The following NRXN1 variants were observed in gnomAD, a reference collection of about 807,000 sequenced individuals.
NRXN1 encodes the protein neurexin 1, also known as neurexin-1.
NRXN1 carries 39 observed loss-of-function variants against 150.9 expected under a neutral mutation model. That is an observed-to-expected ratio of 0.26 (90% CI 0.20 to 0.34). The LOEUF (loss-of-function observed/expected upper bound fraction) is 0.34. NRXN1 is among the 10% of genes least tolerant of loss of function. The probability of loss-of-function intolerance (pLI) is 1.00; values close to 1 mark genes in which losing one functional copy is unlikely to be tolerated. For synonymous variants in NRXN1, 924 were observed against 757.0 expected, an observed-to-expected ratio of 1.22 and a Z score of -3.62; for missense variants, 1,815 against 1,949.9, an observed-to-expected ratio of 0.93 and a Z score of 1.30.
intron 21 of NRXN1, among the ~76,000 whole-genome samples, chr2:50,003,714 T>A (rs1684310009): frequency 6.6e-6 from 1 of 152,174 alleles, no homozygotes; most frequent in South Asian, 2.1e-4. Context: ...TGTTTTAAAA[T>A]TTCCATACCA....
intron 5 of NRXN1, among the ~76,000 whole-genome samples, chr2:50,788,388 C>G (rs968716411): frequency 6.6e-6 from 1 of 151,952 alleles, no homozygotes; most frequent in East Asian, 1.9e-4. Flanking sequence ...CGCCCGGCCT[C>G]CCCACTGGTT....
intron 21 of NRXN1, among the ~76,000 whole-genome samples, chr2:49,955,599 C>A (rs2104496299): frequency 7.6e-6 from 1 of 131,754 alleles, no homozygotes; most frequent in East Asian, 2.3e-4. Context: ...ACATAGTTAA[C>A]TATCATTTTG....
At chr2:50,287,187 T>C (rs985810547) in intron 17 of NRXN1, among the ~76,000 whole-genome samples, 1 of 152,144 alleles carries the variant, frequency 6.6e-6, no homozygotes, top group African/African-American at 2.4e-5. Context: ...GCTTTACATG[T>C]TTTGTGTACC....
At chr2:50,946,230 C>T (rs1690367133) in intron 2 of NRXN1, among the ~76,000 whole-genome samples, 1 of 151,996 alleles carries the variant, frequency 6.6e-6, no homozygotes, top group Admixed American at 6.6e-5. Context: ...GCATACGACG[C>T]TATGAACATG....
chr2:50,924,222 T>C (rs954935940), intron 3 of NRXN1, among the ~76,000 whole-genome samples: 10 of 151,890 alleles, frequency 6.6e-5, no homozygotes, highest in African/African-American at 2.4e-4. Context: ...TGATGCTACA[T>C]CAATAAGGAT....
chr2:50,345,511 T>G (rs545721537), intron 17 of NRXN1, among the ~76,000 whole-genome samples: 2 of 152,274 alleles, frequency 1.3e-5, no homozygotes, highest in East Asian at 1.9e-4. Context: ...ATAAAAAAAG[T>G]GCCCACAACT....
At chr2:50,041,299 A>G (rs1389179110) in intron 21 of NRXN1, among the ~76,000 whole-genome samples, 1 of 152,150 alleles carries the variant, frequency 6.6e-6, no homozygotes, top group Non-Finnish European at 1.5e-5. Context: ...TTTGCCTATA[A>G]AAAAATCATA....
chr2:50,848,818 G>C (rs899596966), intron 5 of NRXN1, among the ~76,000 whole-genome samples: 2 of 152,110 alleles, frequency 1.3e-5, no homozygotes, highest in African/African-American at 4.8e-5. Flanking sequence ...AAGAACTCCA[G>C]GGATTAGTGC....
chr2:50,453,072 GC>G, intron 17 of NRXN1, among the ~76,000 whole-genome samples: 1 of 152,192 alleles, frequency 6.6e-6, no homozygotes, highest in East Asian at 1.9e-4. Flanking sequence ...CATAAATGTT[GC>G]CATGATGTTC....
At chr2:50,071,004 C>T (rs1696211879) in intron 19 of NRXN1, among the ~76,000 whole-genome samples, 1 of 152,122 alleles carries the variant, frequency 6.6e-6, no homozygotes, top group East Asian at 1.9e-4. Flanking sequence ...AGAATGAAGA[C>T]AAGATAAAAA....
chr2:50,209,728 G>C (rs2062871490), intron 18 of NRXN1, among the ~76,000 whole-genome samples: 2 of 152,104 alleles, frequency 1.3e-5, no homozygotes, highest in South Asian at 4.2e-4. Context: ...ACATTTAACA[G>C]ATATCTGATT....
chr2:50,516,000 G>A (rs1275984473), intron 12 of NRXN1, among the ~76,000 whole-genome samples: 1 of 152,114 alleles, frequency 6.6e-6, no homozygotes, highest in African/African-American at 2.4e-5. Flanking sequence ...AAAATTCAAA[G>A]GAGATTAACT....
intron 15 of NRXN1, among the ~76,000 whole-genome samples, chr2:50,479,124 A>C (rs1186191103): frequency 6.6e-6 from 1 of 152,198 alleles, no homozygotes; most frequent in Non-Finnish European, 1.5e-5. Context: ...TCTCTTCAAA[A>C]ACTTTTGCTA....
At chr2:51,006,164 G>A (rs568538238) in intron 2 of NRXN1, among the ~76,000 whole-genome samples, 4 of 151,754 alleles carry the variant, frequency 2.6e-5, no homozygotes, top group South Asian at 4.2e-4. Context: ...ACGTGGGTCC[G>A]CAGCTATTTA....
intron 15 of NRXN1, among the ~76,000 whole-genome samples, chr2:50,493,539 T>A (rs1375417512): frequency 1.3e-5 from 2 of 152,102 alleles, no homozygotes; most frequent in East Asian, 3.9e-4. Flanking sequence ...AAGTCAATGC[T>A]CCATAAATAC....
intron 2 of NRXN1, among the ~76,000 whole-genome samples, chr2:50,962,830 G>A (rs1355451976): frequency 6.6e-6 from 1 of 151,472 alleles, no homozygotes; most frequent in African/African-American, 2.4e-5. Flanking sequence ...ACAGGTGAAT[G>A]CTTCCTAAGA....
chr2:50,445,295 G>GT (rs1470280705), intron 17 of NRXN1, among the ~76,000 whole-genome samples: 1 of 152,164 alleles, frequency 6.6e-6, no homozygotes. Context: ...AAGGAAGGCA[G>GT]TCGCAAAGAA....
In NRXN1 at chr2:50,201,634, T is replaced by C. The variant is rs550632184; in HGVS notation, c.3546+35155A>G. Among the ~76,000 whole-genome samples the C allele has an allele frequency of 2.6e-5, 4 of 152,320 alleles. No homozygotes were observed. The South Asian group carries it at 8.3e-4, about 32-fold the overall frequency. ...TATTAGGAAAAGAAGGTGTACTGGT[T>C]ATCTGTTGCTGAATAATAAATTACC... On this transcript the variant is annotated intron_variant, in intron 18 of 22. Coordinates refer to ENST00000401669, the MANE Select transcript of NRXN1 (RefSeq NM_001330078.2).
At chr2:50,614,733 C>A (rs1387797894) in intron 8 of NRXN1, among the ~76,000 whole-genome samples, 561 of 98,108 alleles carry the variant, frequency 5.7e-3, no homozygotes, top group East Asian at 0.013. Context: ...ATCAGCCATT[C>A]AAAAAAAAAA....
Sources: gnomAD v4.1 joint callset for allele counts (sites outside exome capture counted in the v4.1 genomes callset) on GRCh38, gnomAD v4.1.1 for gene constraint, MANE v1.5 for transcripts, NCBI Gene and HGNC (gene_info 2026-07-23, HGNC 2026-07-21) for gene names.